The following ATXN2 variants were observed in gnomAD, a reference collection of about 807,000 sequenced individuals.
ATXN2 encodes ataxin-2.
ATXN2 carries 37 observed loss-of-function variants against 138.6 expected under a neutral mutation model. The observed-to-expected ratio is 0.27, with a 90% CI of 0.21 to 0.35. ATXN2 has a LOEUF of 0.35. Among genes scored for constraint, ATXN2 ranks in the 10% least tolerant of loss-of-function variants. The probability of loss-of-function intolerance (pLI) is 1.00; values close to 1 mark genes in which losing one functional copy is unlikely to be tolerated. For missense variants in ATXN2, 1,216 were observed against 1,480.3 expected, an observed-to-expected ratio of 0.82 and a Z score of 2.93; for synonymous variants, 549 against 543.7, an observed-to-expected ratio of 1.01 and a Z score of -0.13.
chr12:111,463,484 C>T (rs1366268830), intron 21 of ATXN2, among the ~76,000 whole-genome samples: 1 of 152,116 alleles, frequency 6.6e-6, no homozygotes, highest in East Asian at 1.9e-4. Context: ...ACCATGTTGG[C>T]CAGGCTGTTC....
intron 14 of ATXN2, among the ~76,000 whole-genome samples, chr12:111,508,743 G>A (rs531352357): frequency 1.1e-4 from 16 of 151,948 alleles, no homozygotes; most frequent in African/African-American, 3.6e-4. Flanking sequence ...CACCGTGCCC[G>A]CCAACAAATG....
chr12:111,457,116 G>A, intron 22 of ATXN2, 98 bp downstream of exon 22: 1 of 1,401,500 alleles, frequency 7.1e-7, no homozygotes. Context: ...GGGTGGACAT[G>A]CCATGTGTTC....
chr12:111,590,820 G>A (rs1884617872), intron 1 of ATXN2, among the ~76,000 whole-genome samples: 1 of 152,110 alleles, frequency 6.6e-6, no homozygotes, highest in Non-Finnish European at 1.5e-5. Context: ...ACTGGGAACT[G>A]CATATAGCAA....
At chr12:111,537,659 T>C (rs1333922680) in intron 5 of ATXN2, among the ~76,000 whole-genome samples, 3 of 151,790 alleles carry the variant, frequency 2.0e-5, no homozygotes, top group Non-Finnish European at 4.4e-5. Flanking sequence ...GGCAAACCTA[T>C]GAAGACAATA....
At chr12:111,557,269 C>T (rs533412711) in intron 1 of ATXN2, among the ~76,000 whole-genome samples, 1 of 152,290 alleles carries the variant, frequency 6.6e-6, no homozygotes, top group Non-Finnish European at 1.5e-5. Context: ...CACGACTGGT[C>T]GATCCCTAGA....
rs1195749860 is a variant in ATXN2 at position 111,598,599 on chromosome 12, A to G, written c.251+185T>C. 4 of 976,944 alleles carry G rather than the reference A, an allele frequency of 4.1e-6. No homozygotes were observed. Among genetic ancestry groups the G allele is most frequent in the Non-Finnish European group, 4.9e-6 (4 of 822,394 alleles). The allele number at this position is 976,944 out of a possible 1,614,324, so 60.5% of individuals were successfully genotyped here. On this transcript the variant is annotated intron_variant, in intron 1 of 24. Transcript: ENST00000673436. This position sits in a 1 kb window ranked among gnomAD's most constrained non-coding sequence, Gnocchi z 4.5. ...GAGGCTGGACAGGCCTGACAATCCC[A>G]GAGGACCCCGGCTGCGCCCACCGGC...
At chr12:111,482,211 T>C (rs1877290631) in intron 18 of ATXN2, among the ~76,000 whole-genome samples, 1 of 130,932 alleles carries the variant, frequency 7.6e-6, no homozygotes, top group Admixed American at 7.5e-5. Flanking sequence ...TTTTTTTTTT[T>C]TGAGACGGAG....
chr12:111,531,272 G>A (rs1713735053), intron 5 of ATXN2, among the ~76,000 whole-genome samples: 1 of 152,056 alleles, frequency 6.6e-6, no homozygotes, highest in South Asian at 2.1e-4. Context: ...AATTAGGTAG[G>A]CGTGGTGGTA....
intron 21 of ATXN2, among the ~76,000 whole-genome samples, chr12:111,460,605 T>C (rs1875505675): frequency 6.6e-6 from 1 of 152,120 alleles, no homozygotes; most frequent in African/African-American, 2.4e-5. Context: ...CTTTATTTAT[T>C]CAAGAAATTT....
chr12:111,555,613 G>A (rs181694208), intron 2 of ATXN2, among the ~76,000 whole-genome samples: 5 of 152,218 alleles, frequency 3.3e-5, no homozygotes, highest in Non-Finnish European at 4.4e-5. Flanking sequence ...TGCAGAGCAT[G>A]AGTCAATTAA....
intron 1 of ATXN2, among the ~76,000 whole-genome samples, chr12:111,579,384 T>G (rs1406002949): frequency 6.6e-6 from 1 of 151,894 alleles, no homozygotes; most frequent in Non-Finnish European, 1.5e-5. Flanking sequence ...TGCCTCAGCC[T>G]CCTGAGTAGC....
intron 1 of ATXN2, among the ~76,000 whole-genome samples, chr12:111,575,970 T>C (rs1193777728): frequency 6.6e-6 from 1 of 151,802 alleles, no homozygotes; most frequent in Non-Finnish European, 1.5e-5. Flanking sequence ...TAATCCCAGC[T>C]ACTTGGGAGG....
intron 5 of ATXN2, among the ~76,000 whole-genome samples, chr12:111,531,424 GTCTCAAAAAATAAATAAATAAAAAA>G (rs2135755236): frequency 1.3e-5 from 2 of 152,250 alleles, no homozygotes; most frequent in Admixed American, 1.3e-4. Context: ...GCGAGACTCC[GTCTCAAAAAATAAATAAATAAAAAA>G]TATGTGTATA....
intron 5 of ATXN2, among the ~76,000 whole-genome samples, chr12:111,544,015 T>C (rs971203372): frequency 1.3e-5 from 2 of 152,022 alleles, no homozygotes; most frequent in Non-Finnish European, 2.9e-5. Flanking sequence ...AGGTCGAGGC[T>C]ACAGTAAGCC....
chr12:111,559,156 CAG>C (rs1272528549), intron 1 of ATXN2, among the ~76,000 whole-genome samples: 5 of 148,076 alleles, frequency 3.4e-5, no homozygotes, highest in African/African-American at 1.2e-4. Context: ...TTTTCTGAGA[CAG>C]AGTCTCACTC....
At chr12:111,578,740 C>A (rs867177589) in intron 1 of ATXN2, among the ~76,000 whole-genome samples, 2 of 152,048 alleles carry the variant, frequency 1.3e-5, no homozygotes, top group African/African-American at 4.8e-5. Context: ...TAGGGAAATG[C>A]AAATTAAAAC....
intron 14 of ATXN2, among the ~76,000 whole-genome samples, chr12:111,494,448 C>T (rs1186407925): frequency 3.0e-5 from 4 of 132,448 alleles, no homozygotes; most frequent in Admixed American, 8.1e-5. Flanking sequence ...TTTTTTGAGA[C>T]GGAGTCTCAC....
intron 1 of ATXN2, chr12:111,581,698 C>T (rs1884015136): frequency 1.5e-6 from 1 of 679,880 alleles, no homozygotes; most frequent in African/African-American, 1.8e-5. Flanking sequence ...AGTGCCTGAA[C>T]ATCTGGGCCC....
intron 14 of ATXN2, among the ~76,000 whole-genome samples, chr12:111,493,418 CAA>C (rs59185968): frequency 4.4e-5 from 2 of 45,628 alleles, no homozygotes; most frequent in African/African-American, 1.0e-4. Context: ...GACTCTGTCT[CAA>C]AAAAAAAAAA....
Sources: gnomAD v4.1 joint callset for allele counts (sites outside exome capture counted in the v4.1 genomes callset) on GRCh38, gnomAD v4.1.1 for gene constraint, Gnocchi (gnomAD v3.1) non-coding constraint, MANE v1.5 for transcripts, NCBI Gene and HGNC (gene_info 2026-07-23, HGNC 2026-07-21) for gene names.